The following CNNM2 variants were observed in gnomAD, a reference collection of about 807,000 sequenced individuals.
CNNM2 encodes cyclin and CBS domain divalent metal cation transport mediator 2.
A neutral mutation model predicts 66.9 loss-of-function variants in CNNM2; 12 were observed. The ratio of observed to expected loss-of-function variants is 0.18; its 90% confidence interval spans 0.11 to 0.29. The LOEUF (loss-of-function observed/expected upper bound fraction) is 0.29. Ranked by LOEUF, CNNM2 falls within the 10% of genes least tolerant of loss-of-function variation. CNNM2 has a pLI of 1.00. For missense variants in CNNM2, 705 were observed against 1,167.7 expected (o/e 0.60, Z 5.77); for synonymous variants, 557 against 501.8 (o/e 1.11, Z -1.47).
rs1414957240 is a variant in CNNM2 at position 103,088,887 on chromosome 10, A to G, written c.*11707A>G. On this transcript the variant is annotated 3_prime_UTR_variant, in exon 8 of 8. Transcript: ENST00000369878. ...CCCACACTAATGCATGTTCTGTAGT[A>G]TAAGAAGGCAGTTCTTCCCTTTCTT... is the stretch of plus-strand genomic sequence containing the variant. 2 of 208,392 alleles carry G rather than the reference A, an allele frequency of 9.6e-6. No individual in the cohort carries two copies. The highest frequency in any genetic ancestry group is 5.9e-5 in the Admixed American group (1 of 16,912). 12.9% of individuals were successfully genotyped at this position (208,392 alleles called of 1,614,324 possible). A position where few individuals can be genotyped will look rare whatever the true frequency, so the allele number is the denominator to read the frequency against.
intron 1 of CNNM2, among the ~76,000 whole-genome samples, chr10:102,939,226 A>C (rs769868663): frequency 2.0e-5 from 3 of 152,216 alleles, no homozygotes; most frequent in Non-Finnish European, 4.4e-5. Context: ...AGGCTTACTT[A>C]GCTTCAGTGC....
intron 1 of CNNM2, among the ~76,000 whole-genome samples, chr10:103,041,215 T>C (rs761100840): frequency 6.6e-6 from 1 of 152,178 alleles, no homozygotes; most frequent in Non-Finnish European, 1.5e-5. Context: ...GTAGCTGTTG[T>C]CAACACCCTG....
intron 1 of CNNM2, among the ~76,000 whole-genome samples, chr10:102,974,548 C>T (rs565624204): frequency 2.0e-5 from 3 of 152,058 alleles, no homozygotes; most frequent in Non-Finnish European, 2.9e-5. Context: ...AAAAGAATAT[C>T]TAGAATTGGG....
chr10:102,934,715 G>A (rs755797328), intron 1 of CNNM2, among the ~76,000 whole-genome samples: 19 of 152,114 alleles, frequency 1.2e-4, no homozygotes, highest in Non-Finnish European at 2.5e-4. Flanking sequence ...GTTGTGGCAC[G>A]CACCTGTAGT....
At chr10:102,958,145 A>G (rs1028038434) in intron 1 of CNNM2, among the ~76,000 whole-genome samples, 2 of 152,274 alleles carry the variant, frequency 1.3e-5, no homozygotes, top group Non-Finnish European at 2.9e-5. Flanking sequence ...CATGTTGGTC[A>G]GGCTGATCTC....
chr10:103,038,003 C>T (rs1458633791), intron 1 of CNNM2, among the ~76,000 whole-genome samples: 1 of 152,118 alleles, frequency 6.6e-6, no homozygotes, highest in East Asian at 1.9e-4. Context: ...CCATACCCAG[C>T]TAATTTTTGT....
chr10:103,065,456 G>A (rs1183506953), intron 4 of CNNM2, among the ~76,000 whole-genome samples: 1 of 152,162 alleles, frequency 6.6e-6, no homozygotes, highest in Non-Finnish European at 1.5e-5. Context: ...GAGACAGATG[G>A]TGTGAACCTA....
intron 6 of CNNM2, among the ~76,000 whole-genome samples, chr10:103,073,263 A>G (rs1436464493): frequency 6.6e-6 from 1 of 152,264 alleles, no homozygotes; most frequent in Non-Finnish European, 1.5e-5. Context: ...GGAAGATCAG[A>G]GAAATCCCCC....
chr10:102,938,707 C>T (rs142602275), intron 1 of CNNM2, among the ~76,000 whole-genome samples: 1 of 150,840 alleles, frequency 6.6e-6, no homozygotes, highest in Non-Finnish European at 1.5e-5. Flanking sequence ...GGAGAGAAAT[C>T]GATGTTTCCT....
chr10:102,938,273 TAAA>T (rs540328702), intron 1 of CNNM2, among the ~76,000 whole-genome samples: 3 of 141,494 alleles, frequency 2.1e-5, no homozygotes, highest in Admixed American at 2.1e-4. Flanking sequence ...CCATCTCTTC[TAAA>T]AAAAAAAAAA....
At position 102,940,790 on chromosome 10, in the gene CNNM2, T is replaced by C. The variant is rs148453101; in HGVS notation, c.1621+20689T>C. Among the ~76,000 whole-genome samples, 618 of 152,054 alleles carry C rather than the reference T, an allele frequency of 4.1e-3. 20 individuals are homozygous for C. In the East Asian group the frequency reaches 0.073, roughly 18 times the overall value. ...AGGCTGGAGTGCAGTGGCACTATCT[T>C]GGCTCACTGAAACCTCCACCTCCAG... On this transcript the variant is annotated intron_variant, in intron 1 of 7. Coordinates refer to ENST00000369878, the MANE Select transcript of CNNM2 (RefSeq NM_017649.5).
chr10:102,919,366 G>C lies in CNNM2; in HGVS notation c.886G>C (p.Glu296Gln). The change falls in exon 1 of 8, where the codon GAG (glutamate) becomes CAG (glutamine). Residue 296 changes from glutamate to glutamine, a missense_variant. By Grantham distance (29) the Glu-to-Gln change is conservative. Transcript: ENST00000369878. ...ELRIVQNCGT[E>Q]KEKNYAKRIE... ...GCGCATCGTGCAGAACTGCGGCACG[G>C]AGAAGGAGAAGAATTACGCCAAGCG... 6.2e-7 allele frequency: 1 copy of C among 1,612,764 alleles called. No individual in the cohort carries two copies. The highest frequency in any genetic ancestry group is 8.5e-7 in the Non-Finnish European group (1 of 1,180,048).
At chr10:102,981,467 TC>T (rs927470431) in intron 1 of CNNM2, among the ~76,000 whole-genome samples, 1 of 151,932 alleles carries the variant, frequency 6.6e-6, no homozygotes, top group African/African-American at 2.4e-5. Flanking sequence ...GGAGAACATA[TC>T]CTCCAGTAGT....
At position 103,054,424 on chromosome 10, in the gene CNNM2, T is replaced by C. The variant is rs1460152846; in HGVS notation, c.1861T>C (p.Ser621Pro). The C allele has an allele frequency of 1.2e-6, 2 of 1,613,804 alleles. No homozygotes were observed. The highest frequency in any genetic ancestry group is 1.7e-6 in the Non-Finnish European group (2 of 1,179,838). ...AGACAGTGAGATGAAGGTTAAAATA[T>C]CACCACAGCTCCTCCTGGCCATGCA... ...QTDSEMKVKISPQLLLAMHRF... is the reference protein window; with the variant it reads ...QTDSEMKVKIPPQLLLAMHRF... Residue 621 changes from serine (S) to proline (P), a missense_variant, in exon 3 of 8, where the codon TCA (serine) becomes CCA (proline). Around this residue, in one of 9 missense-constraint regions of CNNM2, gnomAD observed 171 missense variants for 304.8 expected, o/e 0.56. Transcript: ENST00000369878. This position sits in a 1 kb window ranked among gnomAD's most constrained non-coding sequence, Gnocchi z 5.2.
Position 103,028,889 on chromosome 10 carries a change from A to G in CNNM2, c.1622-20818A>G, listed in dbSNP as rs565417753. On this transcript the variant is annotated intron_variant, in intron 1 of 7. Coordinates refer to ENST00000369878, the MANE Select transcript of CNNM2 (RefSeq NM_017649.5). ...TCAGGCTGGAGTGCAGTGATGTGAT[A>G]TCGGCTCACTGCAACCTCCGCACAC... Among the ~76,000 whole-genome samples the G allele has an allele frequency of 6.3e-5, 8 of 127,396 alleles. No homozygotes were observed. In the South Asian group the frequency reaches 1.9e-3, roughly 31 times the overall value. 83.6% of individuals were successfully genotyped at this position (127,396 alleles called of 152,430 possible).
chr10:103,003,199 G>A (rs956458881), intron 1 of CNNM2, among the ~76,000 whole-genome samples: 1 of 149,548 alleles, frequency 6.7e-6, no homozygotes, highest in Non-Finnish European at 1.5e-5. Context: ...TGCAACCTCC[G>A]CCTCCTGGGT....
chr10:103,033,384 G>T (rs1038477023), intron 1 of CNNM2, among the ~76,000 whole-genome samples: 13 of 151,972 alleles, frequency 8.6e-5, no homozygotes, highest in African/African-American at 2.7e-4. Context: ...TAGAGACGGG[G>T]TTTCACTGTG....
At position 103,054,195 on chromosome 10, in the gene CNNM2, A is replaced by G. The variant is rs868454659; in HGVS notation, c.1766-134A>G. 4.2e-6 allele frequency: 4 copies of G among 961,110 alleles called. No homozygotes were observed. Among genetic ancestry groups the G allele is most frequent in the Non-Finnish European group, 4.6e-6 (3 of 650,174 alleles). 59.5% of individuals were successfully genotyped at this position (961,110 alleles called of 1,614,324 possible). ...CTCTCCCTCCCTCCTTCCCCGTGGC[A>G]TCTGTGCATAGAGCGCCTGCATCTG... is the stretch of plus-strand genomic sequence containing the variant. On this transcript the variant is annotated intron_variant, in intron 2 of 7. Coordinates refer to ENST00000369878, the MANE Select transcript of CNNM2 (RefSeq NM_017649.5). This position sits in a 1 kb window ranked among gnomAD's most constrained non-coding sequence, Gnocchi z 5.2.
intron 1 of CNNM2, among the ~76,000 whole-genome samples, chr10:102,953,893 C>G (rs1479762434): frequency 6.6e-6 from 1 of 151,892 alleles, no homozygotes; most frequent in Non-Finnish European, 1.5e-5. Context: ...TGACTATATG[C>G]GAGGTACTGT....
Sources: allele counts gnomAD v4.1 joint callset (sites outside exome capture counted in the v4.1 genomes callset), GRCh38; gene constraint gnomAD v4.1.1; regional missense constraint gnomAD v4.1.1; non-coding constraint Gnocchi (gnomAD v3.1); transcripts MANE v1.5; gene names NCBI Gene and HGNC (gene_info 2026-07-23, HGNC 2026-07-21).